Variants in TCF4 observed in about 807,000 individuals in gnomAD.
The protein encoded by TCF4 is transcription factor 4.
In TCF4, 3 loss-of-function variants were observed where a neutral mutation model predicts 82.1. The ratio of observed to expected loss-of-function variants is 0.04; its 90% confidence interval spans 0.02 to 0.09. The LOEUF is 0.09. Among genes scored for constraint, TCF4 ranks in the 10% least tolerant of loss-of-function variants. The pLI, the probability that TCF4 is intolerant of heterozygous loss-of-function variation, is 1.00. For synonymous variants in TCF4, 276 were observed against 309.6 expected (o/e 0.89, Z 1.14); for missense variants, 518 against 852.7 (o/e 0.61, Z 4.89).
At chr18:55,337,673 C>T (rs891336262) in intron 8 of TCF4, among the ~76,000 whole-genome samples, 10 of 152,088 alleles carry the variant, frequency 6.6e-5, no homozygotes, top group Non-Finnish European at 1.3e-4. Flanking sequence ...ATGAGGGGTG[C>T]GGAGTGGTGA....
chr18:55,613,913 T>C (rs935778639), intron 2 of TCF4, among the ~76,000 whole-genome samples: 3 of 152,218 alleles, frequency 2.0e-5, no homozygotes, highest in Non-Finnish European at 4.4e-5. Context: ...TCATTTGGGT[T>C]GTTTCCAGTT....
At chr18:55,318,029 G>A (rs1474237738) in intron 8 of TCF4, among the ~76,000 whole-genome samples, 1 of 152,038 alleles carries the variant, frequency 6.6e-6, no homozygotes, top group Admixed American at 6.6e-5. Flanking sequence ...AGCAAAAAGA[G>A]CAATTACAAT....
intron 3 of TCF4, among the ~76,000 whole-genome samples, chr18:55,502,757 T>C (rs575985199): frequency 6.6e-6 from 1 of 152,334 alleles, no homozygotes; most frequent in East Asian, 1.9e-4. Context: ...GGAAAGGAAC[T>C]TATATTCAAG....
intron 8 of TCF4, among the ~76,000 whole-genome samples, chr18:55,340,129 A>G (rs996485360): frequency 3.3e-5 from 5 of 152,152 alleles, no homozygotes; most frequent in Admixed American, 3.3e-4. Flanking sequence ...TTCCCGGCCT[A>G]TTAGAGAATA....
chr18:55,437,903 A>C (rs898926317), intron 5 of TCF4, among the ~76,000 whole-genome samples: 5 of 152,228 alleles, frequency 3.3e-5, no homozygotes, highest in East Asian at 1.9e-4. Flanking sequence ...TGAAATTCAA[A>C]GTAAATATAG....
intron 8 of TCF4, among the ~76,000 whole-genome samples, chr18:55,335,924 C>T (rs1340025786): frequency 6.6e-6 from 1 of 151,246 alleles, no homozygotes; most frequent in African/African-American, 2.4e-5. Context: ...TAGAATTTTG[C>T]ACAGTAGGAA....
chr18:55,328,804 G>C (rs978757921), intron 8 of TCF4, among the ~76,000 whole-genome samples: 2 of 152,126 alleles, frequency 1.3e-5, no homozygotes, highest in African/African-American at 4.8e-5. Flanking sequence ...TAAATATCAG[G>C]CTTCCCAATG....
chr18:55,493,805 T>G (rs2096600664), intron 3 of TCF4, among the ~76,000 whole-genome samples: 1 of 152,126 alleles, frequency 6.6e-6, no homozygotes. Flanking sequence ...GTTCTTGCCT[T>G]CAGTTTTTGT....
intron 3 of TCF4, among the ~76,000 whole-genome samples, chr18:55,532,025 G>C (rs115020332): frequency 2.2e-3 from 332 of 152,320 alleles, no homozygotes; most frequent in African/African-American, 7.3e-3. Flanking sequence ...TGAATAGTTA[G>C]GGTTTGCCAC....
At chr18:55,589,317 C>G, upstream of TCF4, 1 of 1,052,088 alleles carries the variant, frequency 9.5e-7, no homozygotes, top group Non-Finnish European at 1.1e-6. Context: ...CACAAATATT[C>G]TCACAATATT....
chr18:55,551,141 C>A (rs1220211621), intron 3 of TCF4: 1 of 152,066 alleles, frequency 6.6e-6, no homozygotes, highest in African/African-American at 2.4e-5. Context: ...ATGGCATTTT[C>A]GCCATGTTAT....
exon 2 of TCF4, chr18:55,631,355 T>G (rs928839542): frequency 1.3e-5 from 20 of 1,548,548 alleles, no homozygotes; most frequent in African/African-American, 2.7e-5. Context: ...GTCCAAGAGA[T>G]AATGTTCTTA....
intron 14 of TCF4, among the ~76,000 whole-genome samples, chr18:55,256,122 G>A (rs1042209581): frequency 6.6e-6 from 1 of 152,162 alleles, no homozygotes; most frequent in African/African-American, 2.4e-5. Flanking sequence ...GAGTGTAAAT[G>A]TATGCAGGAA....
chr18:55,626,481 T>C (rs980866245), intron 2 of TCF4, among the ~76,000 whole-genome samples: 7 of 152,192 alleles, frequency 4.6e-5, no homozygotes, highest in African/African-American at 1.7e-4. Flanking sequence ...TTATATATGT[T>C]TGGTGTTCCA....
chr18:55,404,905 C>G (rs938235802), intron 5 of TCF4, among the ~76,000 whole-genome samples: 5 of 152,206 alleles, frequency 3.3e-5, no homozygotes, highest in African/African-American at 1.2e-4. Context: ...TTTAATGAAT[C>G]TTAAAGTTGG....
Position 55,228,008 on chromosome 18 carries a change from T to C in TCF4, c.*27A>G. 3.6e-6 allele frequency: 2 copies of C among 560,144 alleles called. No individual in the cohort carries two copies. Among genetic ancestry groups the C allele is most frequent in the South Asian group, 2.1e-5 (1 of 48,204 alleles). The allele number at this position is 560,144 out of a possible 1,614,324, so 34.7% of individuals were successfully genotyped here. Reference sequence around the variant, plus strand: ...TTAAGGAAGTGGTCTCTTGTTTTAATGAAGCAATGTGGCAACTTGGACCTG... The same window carrying C: ...TTAAGGAAGTGGTCTCTTGTTTTAACGAAGCAATGTGGCAACTTGGACCTG... On this transcript the variant is annotated 3_prime_UTR_variant, in exon 20 of 20. Transcript: ENST00000354452.
chr18:55,515,828 A>G (rs576885600), intron 3 of TCF4, among the ~76,000 whole-genome samples: 1 of 152,262 alleles, frequency 6.6e-6, no homozygotes, highest in East Asian at 1.9e-4. Context: ...GGCGTATTTA[A>G]ATTCATCTTT....
Position 55,286,131 on chromosome 18 carries a change from C to T in TCF4, c.550-6475G>A, listed in dbSNP as rs367776551. On this transcript the variant is annotated intron_variant, in intron 8 of 19. Transcript: ENST00000354452. Reference sequence around the variant, plus strand: ...CTTGGCCTCTAGTGTTTTTGACAAACGAATTACAGTTAGACATGGTGTGAT... The same window carrying T: ...CTTGGCCTCTAGTGTTTTTGACAAATGAATTACAGTTAGACATGGTGTGAT... Among the ~76,000 whole-genome samples the T allele has an allele frequency of 4.5e-4, 69 of 152,176 alleles. 1 individual carries two copies. In the South Asian group the frequency reaches 8.7e-3, roughly 19 times the overall value.
intron 17 of TCF4, 45 bp downstream of exon 17, chr18:55,232,464 T>A: frequency 6.2e-7 from 1 of 1,607,768 alleles, no homozygotes; most frequent in Admixed American, 1.7e-5. Context: ...TTCATCAAAG[T>A]CCAATAAAGG....
Sources: allele counts gnomAD v4.1 joint callset (sites outside exome capture counted in the v4.1 genomes callset), GRCh38; gene constraint gnomAD v4.1.1; transcripts MANE v1.5; gene names NCBI Gene and HGNC (gene_info 2026-07-23, HGNC 2026-07-21).